GLIS3: variants seen among roughly 807,000 people sequenced by gnomAD.
GLIS3 encodes the protein zinc finger protein GLIS3.
A neutral mutation model predicts 78.6 loss-of-function variants in GLIS3; 53 were observed. That is an observed-to-expected ratio of 0.67 (90% CI 0.54 to 0.85). The LOEUF (loss-of-function observed/expected upper bound fraction) is 0.85. GLIS3 is among the 40% of genes least tolerant of loss of function. The pLI is 0.00. For synonymous variants in GLIS3, 684 were observed against 509.9 expected (o/e 1.34, Z -4.60); for missense variants, 1,703 against 1,231.1 (o/e 1.38, Z -5.74).
intron 2 of GLIS3, among the ~76,000 whole-genome samples, chr9:4,342,270 T>C (rs965664275): frequency 3.3e-5 from 5 of 152,200 alleles, no homozygotes; most frequent in Non-Finnish European, 5.9e-5. Flanking sequence ...TTTTTGTGTA[T>C]GATGAAAGGA....
At chr9:3,945,685 A>T (rs939018974) in intron 4 of GLIS3, among the ~76,000 whole-genome samples, 1 of 152,262 alleles carries the variant, frequency 6.6e-6, no homozygotes, top group Admixed American at 6.5e-5. Flanking sequence ...GTATTAAAAT[A>T]AAAAAGTCAG....
chr9:4,173,169 T>C (rs1206880164), intron 2 of GLIS3, among the ~76,000 whole-genome samples: 1 of 152,100 alleles, frequency 6.6e-6, no homozygotes, highest in East Asian at 1.9e-4. Context: ...TGAGAGGTGG[T>C]GGTGTCATAC....
chr9:4,443,858 G>C, the GLIS3 span, among the ~76,000 whole-genome samples: 1 of 152,136 alleles, frequency 6.6e-6, no homozygotes, highest in Non-Finnish European at 1.5e-5. Flanking sequence ...GTGTCAAAAA[G>C]GTTGGCTCAA....
At chr9:4,211,340 C>T (rs1190014660) in intron 2 of GLIS3, among the ~76,000 whole-genome samples, 1 of 152,216 alleles carries the variant, frequency 6.6e-6, no homozygotes, top group African/African-American at 2.4e-5. Flanking sequence ...GGTTTTCCAG[C>T]AGGCTCCTAA....
At chr9:4,200,047 G>C (rs1157973725) in intron 2 of GLIS3, among the ~76,000 whole-genome samples, 1 of 152,088 alleles carries the variant, frequency 6.6e-6, no homozygotes, top group East Asian at 1.9e-4. Flanking sequence ...ACTTACTTCA[G>C]AATGACCTTG....
intron 9 of GLIS3, among the ~76,000 whole-genome samples, chr9:3,834,991 A>G (rs1381939072): frequency 3.3e-5 from 5 of 152,146 alleles, no homozygotes; most frequent in African/African-American, 1.2e-4. Flanking sequence ...GTCTCCATTT[A>G]TCCTACCATA....
the GLIS3 span, among the ~76,000 whole-genome samples, chr9:4,454,718 G>C: frequency 6.6e-6 from 1 of 152,164 alleles, no homozygotes; most frequent in African/African-American, 2.4e-5. Context: ...TCTGGTCTAT[G>C]GGTTTGATGT....
chr9:4,199,687 T>TA (rs1347819992), intron 2 of GLIS3, among the ~76,000 whole-genome samples: 3 of 151,856 alleles, frequency 2.0e-5, no homozygotes, highest in Non-Finnish European at 4.4e-5. Context: ...AAAAAAGACT[T>TA]AGAGAGCATT....
rs539575677 is a variant in GLIS3, at chr9:3,876,284, C to T, written c.2297+3143G>A. ...AGACAATAATAATAACAATAAAAAG[C>T]TGGAGAACTTCATTAGAGTCAAGAA... On this transcript the variant is annotated intron_variant, in intron 8 of 10. Transcript: ENST00000381971. Among the ~76,000 whole-genome samples, 9 of 149,394 alleles carry T rather than the reference C, an allele frequency of 6.0e-5. No individual in the cohort carries two copies. In the South Asian group the frequency reaches 2.0e-3, roughly 33 times the overall value.
At chr9:4,082,102 G>A (rs1389460474) in intron 4 of GLIS3, among the ~76,000 whole-genome samples, 1 of 152,206 alleles carries the variant, frequency 6.6e-6, no homozygotes, top group African/African-American at 2.4e-5. Flanking sequence ...GCACTATGGT[G>A]TCTTAGGATA....
chr9:4,242,840 A>C (rs1587116246), intron 2 of GLIS3, among the ~76,000 whole-genome samples: 1 of 152,192 alleles, frequency 6.6e-6, no homozygotes, highest in East Asian at 1.9e-4. Context: ...GTATTACATA[A>C]AATATATTAT....
intron 2 of GLIS3, among the ~76,000 whole-genome samples, chr9:4,143,377 T>G (rs943344377): frequency 6.6e-6 from 1 of 151,754 alleles, no homozygotes; most frequent in Non-Finnish European, 1.5e-5. Context: ...GACCAGCCTG[T>G]CCAACATGAT....
chr9:4,333,660 G>C (rs1276408739), intron 2 of GLIS3, among the ~76,000 whole-genome samples: 1 of 152,020 alleles, frequency 6.6e-6, no homozygotes, highest in Non-Finnish European at 1.5e-5. Context: ...AGACCCTTTT[G>C]TCAAATAATG....
At chr9:4,219,976 G>C (rs971233715) in intron 2 of GLIS3, among the ~76,000 whole-genome samples, 5 of 152,184 alleles carry the variant, frequency 3.3e-5, no homozygotes, top group Non-Finnish European at 7.3e-5. Flanking sequence ...TGATTCCAGA[G>C]CTAAGGCAAG....
At chr9:4,249,846 C>A (rs1033002463) in intron 2 of GLIS3, among the ~76,000 whole-genome samples, 1 of 152,130 alleles carries the variant, frequency 6.6e-6, no homozygotes, top group Non-Finnish European at 1.5e-5. Flanking sequence ...TGAATTTTAT[C>A]GAAGGCCTTT....
At chr9:3,899,412 TAA>T (rs1823116926) in intron 6 of GLIS3, among the ~76,000 whole-genome samples, 1 of 132,164 alleles carries the variant, frequency 7.6e-6, no homozygotes, top group Non-Finnish European at 1.6e-5. Context: ...TCTTATACAT[TAA>T]AGAGTTACAT....
intron 2 of GLIS3, among the ~76,000 whole-genome samples, chr9:4,167,298 G>T (rs915345809): frequency 6.6e-6 from 1 of 152,108 alleles, no homozygotes; most frequent in Non-Finnish European, 1.5e-5. Flanking sequence ...TCCTGTGTGG[G>T]AGGTAACTGA....
At chr9:4,462,027 G>A in the GLIS3 span, among the ~76,000 whole-genome samples, 7 of 152,184 alleles carry the variant, frequency 4.6e-5, no homozygotes, top group Non-Finnish European at 5.9e-5. Context: ...TCAAAGGAAT[G>A]GGAATAGCAA....
chr9:4,108,025 A>T (rs1830909369), intron 4 of GLIS3, among the ~76,000 whole-genome samples: 1 of 152,106 alleles, frequency 6.6e-6, no homozygotes, highest in South Asian at 2.1e-4. Context: ...TATGGTTAGG[A>T]CTCAAAGGTG....
Sources: allele counts gnomAD v4.1 joint callset (sites outside exome capture counted in the v4.1 genomes callset), GRCh38; gene constraint gnomAD v4.1.1; transcripts MANE v1.5; gene names NCBI Gene and HGNC (gene_info 2026-07-23, HGNC 2026-07-21).